The following EPN2 variants were observed in gnomAD, a reference collection of about 807,000 sequenced individuals.
EPN2 encodes the protein epsin 2.
A neutral mutation model predicts 61.7 loss-of-function variants in EPN2; 34 were observed. The ratio of observed to expected loss-of-function variants is 0.55; its 90% CI spans 0.42 to 0.73. The LOEUF (loss-of-function observed/expected upper bound fraction) is 0.73, where lower values mean the gene tolerates loss of function less well. EPN2 is among the 30% of genes least tolerant of loss of function. EPN2 has a pLI of 0.00. For missense variants in EPN2, 714 were observed against 839.2 expected (o/e 0.85, Z 1.84); for synonymous variants, 349 against 353.6 (o/e 0.99, Z 0.15).
intron 1 of EPN2, among the ~76,000 whole-genome samples, chr17:19,262,218 C>T (rs1000225826): frequency 6.6e-6 from 1 of 151,146 alleles, no homozygotes; most frequent in Admixed American, 6.6e-5. Flanking sequence ...GTGGCTCATG[C>T]CTGCAATCCC....
intron 4 of EPN2, among the ~76,000 whole-genome samples, chr17:19,292,899 A>G (rs1051564442): frequency 1.2e-4 from 19 of 152,372 alleles, no homozygotes; most frequent in African/African-American, 4.6e-4. Context: ...TTGTAAGTGA[A>G]GAAGCTAGAA....
intron 1 of EPN2, among the ~76,000 whole-genome samples, chr17:19,260,510 A>G (rs1473997030): frequency 6.6e-6 from 1 of 152,142 alleles, no homozygotes; most frequent in Non-Finnish European, 1.5e-5. Context: ...GGAAGGACAC[A>G]GGTGGACCTG....
At chr17:19,328,157 GGTAA>G (rs1362988609) in intron 7 of EPN2, among the ~76,000 whole-genome samples, 1 of 152,128 alleles carries the variant, frequency 6.6e-6, no homozygotes, top group Non-Finnish European at 1.5e-5. Context: ...TAAGTTGGGT[GGTAA>G]GTATGTAGCT....
At chr17:19,301,725 C>G (rs979059481) in intron 4 of EPN2, among the ~76,000 whole-genome samples, 2 of 152,234 alleles carry the variant, frequency 1.3e-5, no homozygotes, top group African/African-American at 2.4e-5. Context: ...GCCGTTCCTT[C>G]CAGGGCTCTG....
chr17:19,324,330 G>T (rs1294227732), intron 7 of EPN2, among the ~76,000 whole-genome samples: 1 of 152,134 alleles, frequency 6.6e-6, no homozygotes, highest in African/African-American at 2.4e-5. Flanking sequence ...GATATATTTA[G>T]AACCAAATTA....
intron 7 of EPN2, among the ~76,000 whole-genome samples, chr17:19,321,368 A>G (rs1386716317): frequency 6.6e-6 from 1 of 152,196 alleles, no homozygotes; most frequent in Non-Finnish European, 1.5e-5. Context: ...CCCAGGGAAT[A>G]GAGAGAGTGG....
chr17:19,244,496 G>A (rs1794269826), intron 1 of EPN2, among the ~76,000 whole-genome samples: 1 of 152,048 alleles, frequency 6.6e-6, no homozygotes, highest in Admixed American at 6.6e-5. Context: ...ACTTGAAAAG[G>A]TTGAGGGAGT....
chr17:19,247,915 C>A (rs937299358), intron 1 of EPN2, among the ~76,000 whole-genome samples: 1 of 152,270 alleles, frequency 6.6e-6, no homozygotes, highest in Non-Finnish European at 1.5e-5. Context: ...TTGGATTTGA[C>A]TCCCTGGGAG....
chr17:19,310,567 C>CTTTTTT (rs1906077124), intron 5 of EPN2, among the ~76,000 whole-genome samples: 1 of 79,928 alleles, frequency 1.3e-5, no homozygotes, highest in Non-Finnish European at 2.4e-5. Flanking sequence ...CTTTCTCCTT[C>CTTTTTT]TTTCTTTTTT....
chr17:19,298,644 A>G (rs1905314489), intron 4 of EPN2, among the ~76,000 whole-genome samples: 1 of 152,196 alleles, frequency 6.6e-6, no homozygotes, highest in African/African-American at 2.4e-5. Flanking sequence ...GCTTGGGACT[A>G]CAGACACCCG....
At chr17:19,260,625 CTT>C (rs1046972270) in intron 1 of EPN2, among the ~76,000 whole-genome samples, 1 of 142,464 alleles carries the variant, frequency 7.0e-6, no homozygotes, top group African/African-American at 2.6e-5. Context: ...GAGAATGGAA[CTT>C]TTTTTTTTTT....
chr17:19,292,907 G>A (rs1241536570), intron 4 of EPN2, among the ~76,000 whole-genome samples: 2 of 152,228 alleles, frequency 1.3e-5, no homozygotes, highest in Non-Finnish European at 2.9e-5. Context: ...GAAGAAGCTA[G>A]AATTAGAACT....
chr17:19,306,635 C>T (rs868126848), intron 4 of EPN2, among the ~76,000 whole-genome samples: 33 of 152,194 alleles, frequency 2.2e-4, no homozygotes, highest in African/African-American at 7.0e-4. Flanking sequence ...CTAGAAAGCT[C>T]AGAGGACAAA....
At chr17:19,328,158 G>T (rs182973721) in intron 7 of EPN2, among the ~76,000 whole-genome samples, 1 of 152,160 alleles carries the variant, frequency 6.6e-6, no homozygotes, top group South Asian at 2.1e-4. Context: ...AAGTTGGGTG[G>T]TAAGTATGTA....
chr17:19,271,954 G>A lies in EPN2; in HGVS notation c.-293-10001G>A, dbSNP rs143281745. ...TCTCGCAGGCTCCTCGCGAGATGGC[G>A]ACAGCCCAGCAGTTAGCACCACCAC... On this transcript the variant is annotated intron_variant, in intron 1 of 10. Coordinates refer to ENST00000314728, the MANE Select transcript of EPN2 (RefSeq NM_014964.5). Among the ~76,000 whole-genome samples the A allele has an allele frequency of 7.7e-4, 117 of 152,280 alleles. 1 individual carries two copies. The East Asian group carries it at 0.015, about 19-fold the overall frequency.
intron 1 of EPN2, among the ~76,000 whole-genome samples, chr17:19,245,140 C>T (rs1252559669): frequency 2.0e-5 from 3 of 152,162 alleles, no homozygotes; most frequent in African/African-American, 7.2e-5. Context: ...AACAGCTTAC[C>T]TCTCTGTCAG....
chr17:19,296,426 C>CA (rs1230540488), intron 4 of EPN2, among the ~76,000 whole-genome samples: 1 of 152,116 alleles, frequency 6.6e-6, no homozygotes, highest in Non-Finnish European at 1.5e-5. Context: ...GCTGGGATTA[C>CA]AGACGTGAGC....
Position 19,332,086 on chromosome 17 carries a change from G to T in EPN2, c.1627+18G>T. ...GGCACCAGGTAGGCTCTCATCCCAG[G>T]CTTCATCCATTGCCTGCTGTGCCTG... On this transcript the variant is annotated intron_variant, in intron 10 of 10. Transcript: ENST00000314728. 6.3e-7 allele frequency: 1 copy of T among 1,587,732 alleles called. No individual in the cohort carries two copies. The highest frequency in any genetic ancestry group is 1.1e-5 in the South Asian group (1 of 90,742).
chr17:19,272,460 A>G (rs760331964), intron 1 of EPN2, among the ~76,000 whole-genome samples: 6 of 152,134 alleles, frequency 3.9e-5, no homozygotes, highest in Non-Finnish European at 7.4e-5. Flanking sequence ...TCATGACACC[A>G]TGGAGATGGC....
Sources: gnomAD v4.1 joint callset for allele counts (sites outside exome capture counted in the v4.1 genomes callset) on GRCh38, gnomAD v4.1.1 for gene constraint, MANE v1.5 for transcripts, NCBI Gene and HGNC (gene_info 2026-07-23, HGNC 2026-07-21) for gene names.